Variants in CDKL4 observed in about 807,000 individuals in gnomAD.
CDKL4 encodes cyclin-dependent kinase-like 4.
Under a neutral mutation model 42.0 loss-of-function variants are expected in CDKL4, and 44 were observed. The observed-to-expected ratio is 1.05, with a 90% CI of 0.82 to 1.35. The LOEUF (loss-of-function observed/expected upper bound fraction) is 1.35. CDKL4 is among the 40% of genes most tolerant of loss of function. CDKL4 has a pLI of 0.00. For synonymous variants in CDKL4, 120 were observed against 121.6 expected (o/e 0.99, Z 0.09); for missense variants, 393 against 369.9 (o/e 1.06, Z -0.51).
rs190541999 is a variant in CDKL4, at chr2:39,203,147, G to A, written c.454+1380C>T. Among the ~76,000 whole-genome samples, 395 of 152,140 alleles carry A rather than the reference G, an allele frequency of 2.6e-3. 2 individuals carry two copies. Among genetic ancestry groups the A allele is most frequent in the African/African-American group, 9.0e-3 (375 of 41,500 alleles). On this transcript the variant is annotated intron_variant, in intron 5 of 9. Coordinates refer to ENST00000451199, the Ensembl canonical transcript of CDKL4. Reference sequence around the variant, plus strand: ...ACAAGAATGACTATGTTTGCTACAGGAAAACTCAGTAGGAAAGCTGACTTG... The same window carrying A: ...ACAAGAATGACTATGTTTGCTACAGAAAAACTCAGTAGGAAAGCTGACTTG...
At chr2:39,241,107 G>A (rs900924615) in intron 1 of CDKL4, among the ~76,000 whole-genome samples, 1 of 152,232 alleles carries the variant, frequency 6.6e-6, no homozygotes, top group Non-Finnish European at 1.5e-5. Flanking sequence ...AATTTCGACT[G>A]CAGATTTGAT....
intron 1 of CDKL4, among the ~76,000 whole-genome samples, chr2:39,242,409 G>A (rs1573041532): frequency 6.6e-6 from 1 of 152,230 alleles, no homozygotes; most frequent in East Asian, 1.9e-4. Flanking sequence ...TGGCTACAGG[G>A]CTTCCTGACT....
intron 3 of CDKL4, among the ~76,000 whole-genome samples, chr2:39,222,988 T>C (rs942090985): frequency 1.3e-5 from 2 of 152,192 alleles, no homozygotes; most frequent in African/African-American, 4.8e-5. Flanking sequence ...AAAAGTAATA[T>C]ATGTGCATTC....
intron 4 of CDKL4, among the ~76,000 whole-genome samples, chr2:39,208,700 T>A: frequency 7.0e-6 from 1 of 143,768 alleles, no homozygotes; most frequent in South Asian, 2.2e-4. Flanking sequence ...TGACGGGCAA[T>A]CTTTTTTTTT....
chr2:39,186,715 C>T (rs1572950200), intron 7 of CDKL4, among the ~76,000 whole-genome samples: 5 of 151,716 alleles, frequency 3.3e-5, no homozygotes, highest in Admixed American at 3.3e-4. Context: ...TTGATTTGAG[C>T]TTTGTTTTAC....
intron 3 of CDKL4, among the ~76,000 whole-genome samples, chr2:39,220,885 C>T (rs1678276722): frequency 6.8e-6 from 1 of 146,876 alleles, no homozygotes; most frequent in Non-Finnish European, 1.5e-5. Flanking sequence ...CTGCGCCTGG[C>T]CCAACTCTTC....
At chr2:39,216,600 T>C (rs1252193998) in intron 3 of CDKL4, among the ~76,000 whole-genome samples, 1 of 152,116 alleles carries the variant, frequency 6.6e-6, no homozygotes, top group Non-Finnish European at 1.5e-5. Flanking sequence ...TTTGGACACT[T>C]AGATTATGGT....
intron 3 of CDKL4, among the ~76,000 whole-genome samples, chr2:39,224,963 T>C (rs1465157184): frequency 3.9e-5 from 6 of 152,256 alleles, no homozygotes. Context: ...ATGACAATTT[T>C]ATTTCATTTC....
chr2:39,209,883 TC>T (rs1231832715), intron 4 of CDKL4, among the ~76,000 whole-genome samples: 1 of 152,232 alleles, frequency 6.6e-6, no homozygotes, highest in Non-Finnish European at 1.5e-5. Flanking sequence ...TAGATTTTTT[TC>T]TTTGCAAGCA....
chr2:39,244,024 G>A (rs1679799338), upstream of CDKL4, among the ~76,000 whole-genome samples: 1 of 152,238 alleles, frequency 6.6e-6, no homozygotes, highest in African/African-American at 2.4e-5. Context: ...CGGAACGCTA[G>A]GGCGCGCGGG....
chr2:39,179,001 C>A, intron 9 of CDKL4, 186 bp downstream of exon 9: 1 of 1,446,452 alleles, frequency 6.9e-7, no homozygotes, highest in South Asian at 1.5e-5. Flanking sequence ...TTGCAATAAT[C>A]TTGATATTTT....
At chr2:39,199,285 A>C (rs148606629) in intron 5 of CDKL4, among the ~76,000 whole-genome samples, 2,531 of 152,246 alleles carry the variant, frequency 0.017, 78 homozygotes, top group African/African-American at 0.058. Flanking sequence ...CCTAGATTAA[A>C]CCAGGAAGAA....
At chr2:39,215,349 A>G (rs930956498) in intron 3 of CDKL4, among the ~76,000 whole-genome samples, 5 of 152,070 alleles carry the variant, frequency 3.3e-5, no homozygotes, top group Admixed American at 3.3e-4. Context: ...CTGTTTTATT[A>G]TTGATTTACA....
At chr2:39,203,414 G>A (rs1051526444) in intron 5 of CDKL4, among the ~76,000 whole-genome samples, 2 of 151,442 alleles carry the variant, frequency 1.3e-5, no homozygotes, top group Non-Finnish European at 2.9e-5. Flanking sequence ...TTATTTTTGT[G>A]ACAATTGGGT....
chr2:39,190,412 A>T (rs1676114177), exon 6 of CDKL4: 1 of 1,613,886 alleles, frequency 6.2e-7, no homozygotes, highest in Admixed American at 1.7e-5. Flanking sequence ...CCATATATCG[A>T]CTGAAGAACC....
At chr2:39,194,186 G>A (rs1163914116) in intron 5 of CDKL4, among the ~76,000 whole-genome samples, 3 of 152,088 alleles carry the variant, frequency 2.0e-5, no homozygotes, top group East Asian at 1.9e-4. Flanking sequence ...GGCTGGGCAC[G>A]GTGGCTCACA....
At chr2:39,241,532 A>G (rs569889220) in intron 1 of CDKL4, among the ~76,000 whole-genome samples, 5 of 152,316 alleles carry the variant, frequency 3.3e-5, no homozygotes, top group African/African-American at 9.6e-5. Context: ...ATAAAGTTCA[A>G]ACTGTAGTAT....
intron 3 of CDKL4, among the ~76,000 whole-genome samples, chr2:39,222,910 A>G (rs1326609502): frequency 1.3e-5 from 2 of 152,178 alleles, no homozygotes; most frequent in East Asian, 3.8e-4. Flanking sequence ...CATCCTATTT[A>G]GTGCAGGATA....
exon 4 of CDKL4, chr2:39,213,415 G>C (rs757144746): frequency 1.2e-6 from 2 of 1,600,154 alleles, no homozygotes; most frequent in Non-Finnish European, 1.7e-6. Context: ...GTATATGACA[G>C]AAATTAAGAG....
Sources: gnomAD v4.1 joint callset for allele counts (sites outside exome capture counted in the v4.1 genomes callset) on GRCh38, gnomAD v4.1.1 for gene constraint, MANE v1.5 for transcripts, NCBI Gene and HGNC (gene_info 2026-07-23, HGNC 2026-07-21) for gene names.